The following INPP5J variants were observed in gnomAD, a reference collection of about 807,000 sequenced individuals.
INPP5J encodes the protein phosphatidylinositol 4,5-bisphosphate 5-phosphatase A.
Under a neutral mutation model 86.6 loss-of-function variants are expected in INPP5J, and 75 were observed. That is an observed-to-expected ratio of 0.87 (90% CI 0.72 to 1.05). The LOEUF (loss-of-function observed/expected upper bound fraction) is 1.05, where lower values mean the gene tolerates loss of function less well. Ranked by LOEUF, INPP5J falls within the 50% of genes least tolerant of loss-of-function variation. The pLI is 0.00. For synonymous variants in INPP5J, 540 were observed against 550.0 expected (o/e 0.98, Z 0.25); for missense variants, 1,229 against 1,341.2 (o/e 0.92, Z 1.31).
At position 31,122,990 on chromosome 22, in the gene INPP5J, G is replaced by A. The variant is rs766594116; in HGVS notation, c.-25G>A. On this transcript the variant is annotated 5_prime_UTR_variant, in exon 1 of 13. Coordinates refer to ENST00000331075, the MANE Select transcript of INPP5J (RefSeq NM_001284285.2). ...TAGAGCTGGAGCCGGAGCCAAGGGA[G>A]TCCAGGCTGCCGGGGGCTGCAGACA... The A allele has an allele frequency of 9.3e-6, 13 of 1,397,390 alleles. No homozygotes were observed. The highest frequency in any genetic ancestry group is 1.2e-5 in the Non-Finnish European group (13 of 1,067,188). The allele number at this position is 1,397,390 out of a possible 1,614,324, so 86.6% of individuals were successfully genotyped here.
At chr22:31,132,436 T>A (rs1162325147) in intron 9 of INPP5J, among the ~76,000 whole-genome samples, 2 of 151,852 alleles carry the variant, frequency 1.3e-5, no homozygotes, top group Non-Finnish European at 2.9e-5. Context: ...ACTCCAAGAG[T>A]AAAATAAGAG....
In INPP5J at chr22:31,125,624, T is replaced by G; in HGVS notation, c.885T>G (p.Pro295=). 6.4e-7 allele frequency: 1 copy of G among 1,550,394 alleles called. No individual in the cohort carries two copies. Among genetic ancestry groups the G allele is most frequent in the Non-Finnish European group, 8.7e-7 (1 of 1,146,938 alleles). Residue 295 remains proline (P), a synonymous_variant, in exon 2 of 13, where the codon CCT becomes CCG. Coordinates refer to ENST00000331075, the MANE Select transcript of INPP5J (RefSeq NM_001284285.2). ...CCCTCCACAGCAGCCCTGAGGATCC[T>G]GTTTTGCCACGGCCACCCCAGACCT... is the stretch of plus-strand genomic sequence containing the variant. ...PEALHSSPED[P]VLPRPPQTLP...
At chr22:31,123,610 G>A (rs186579317) in intron 1 of INPP5J, among the ~76,000 whole-genome samples, 1 of 152,246 alleles carries the variant, frequency 6.6e-6, no homozygotes, top group Admixed American at 6.5e-5. Flanking sequence ...GGTGGAGATG[G>A]AGTTTTAGGT....
Position 31,125,022 on chromosome 22 carries a change from C to A in INPP5J, c.283C>A (p.Gln95Lys). Residue 95 changes from glutamine (Q) to lysine (K), a missense_variant, in exon 2 of 13, where the codon CAG becomes AAG. Transcript: ENST00000331075. ...GGCTCCACTGTGTACCCCTGAAGGG[C>A]AGAAAACAGCTACTGCCCACCGCAG... ...ILAPLCTPEG[Q>K]KTATAHRSSS... 6.4e-7 allele frequency: 1 copy of A among 1,558,486 alleles called. No homozygotes were observed. Among genetic ancestry groups the A allele is most frequent in the Non-Finnish European group, 8.7e-7 (1 of 1,151,288 alleles).
In INPP5J at chr22:31,134,208, G is replaced by A; in HGVS notation, c.2810G>A (p.Ser937Asn). The A allele has an allele frequency of 6.5e-7, 1 of 1,550,246 alleles. No homozygotes were observed. The highest frequency in any genetic ancestry group is 2.4e-5 in the East Asian group (1 of 40,914). ...AGTAATGGCAGCAGCCGGGGCAGTA[G>A]TGAAGAGGGGCCCTCTGGGTTGCCT... ...RSSNGSSRGS[S>N]EEGPSGLPGP... The change falls in exon 13 of 13, where the codon AGT becomes AAT. Residue 937 changes from serine (S) to asparagine (N), a missense_variant. Coordinates refer to ENST00000331075, the MANE Select transcript of INPP5J (RefSeq NM_001284285.2).
upstream of INPP5J, chr22:31,122,788 T>C (rs907591281): frequency 8.9e-5 from 40 of 451,016 alleles, no homozygotes; most frequent in Middle Eastern, 5.5e-4. Flanking sequence ...GCCAGGCAGA[T>C]GGGTACACTC....
rs1921285293 is a variant in INPP5J at position 31,125,463 on chromosome 22, G to A, written c.724G>A (p.Ala242Thr). The A allele has an allele frequency of 6.4e-7, 1 of 1,550,518 alleles. No homozygotes were observed. The highest frequency in any genetic ancestry group is 1.4e-5 in the African/African-American group (1 of 73,020). Residue 242 changes from alanine to threonine, a missense_variant, in exon 2 of 13, where the codon GCC becomes ACC. Physicochemically the swap from Ala to Thr is moderately conservative, Grantham distance 58. Transcript: ENST00000331075. ...ATCAGCTAGAAAGAGGGATGCCCCA[G>A]CCCCTAGACCTCTCCCTGCTTCTGA... ...QTSARKRDAPAPRPLPASEGH... is the reference protein window; with the variant it reads ...QTSARKRDAPTPRPLPASEGH...
intron 5 of INPP5J, 133 bp downstream of exon 5, chr22:31,127,170 C>A: frequency 1.3e-6 from 1 of 785,900 alleles, no homozygotes; most frequent in East Asian, 2.7e-5. Flanking sequence ...CCCCATGCAC[C>A]ACCCAATACC....
chr22:31,131,136 C>T (rs1298166026), intron 9 of INPP5J, among the ~76,000 whole-genome samples: 1 of 152,208 alleles, frequency 6.6e-6, no homozygotes, highest in African/African-American at 2.4e-5. Context: ...TATCCCCACG[C>T]TTGGCCTGCC....
Position 31,127,988 on chromosome 22 carries a change from G to T in INPP5J, c.1825G>T (p.Glu609Ter). The T allele has an allele frequency of 6.2e-7, 1 of 1,609,542 alleles. No individual in the cohort carries two copies. The highest frequency in any genetic ancestry group is 8.5e-7 in the Non-Finnish European group (1 of 1,179,368). Residue 609 changes from glutamate (E) to a stop codon, truncating the protein, a stop_gained, in exon 7 of 13, where the codon GAG becomes TAG. Transcript: ENST00000331075. LOFTEE classifies it high-confidence loss of function. Reference sequence around the variant, plus strand: ...GTTCGGGGACCTGAACTTCCGCATTGAGAGCTATGACCTGCACTTTGTCAA... The same window carrying T: ...GTTCGGGGACCTGAACTTCCGCATTTAGAGCTATGACCTGCACTTTGTCAA... ...FWFGDLNFRI[E>*]SYDLHFVKFA...
upstream of INPP5J, chr22:31,122,795 A>G: frequency 2.2e-6 from 1 of 457,210 alleles, no homozygotes; most frequent in Non-Finnish European, 3.8e-6. Flanking sequence ...AGATGGGTAC[A>G]CTCTCCCCTC....
Position 31,126,984 on chromosome 22 carries a change from T to C in INPP5J, c.1558T>C (p.Phe520Leu), listed in dbSNP as rs1921534980. Reference protein sequence around the residue: ...LLFAKYYHLPFLRDVQTDCTR... With the variant: ...LLFAKYYHLPLLRDVQTDCTR... ...GTTCGCCAAGTACTACCACCTGCCC[T>C]TCCTGCGAGACGTGCAGACCGACTG... Residue 520 changes from phenylalanine (F) to leucine (L), a missense_variant, in exon 5 of 13, where the codon TTC becomes CTC. Transcript: ENST00000331075. 1.2e-6 allele frequency: 2 copies of C among 1,610,274 alleles called. No individual in the cohort carries two copies. Among genetic ancestry groups the C allele is most frequent in the Non-Finnish European group, 1.7e-6 (2 of 1,178,376 alleles).
chr22:31,129,260 G>A (rs1269295366), intron 9 of INPP5J, among the ~76,000 whole-genome samples: 4 of 65,904 alleles, frequency 6.1e-5, no homozygotes, highest in Non-Finnish European at 9.2e-5. Flanking sequence ...TTTTCTTTGA[G>A]ACGGAGTCTT....
chr22:31,125,579 C>T lies in INPP5J; in HGVS notation c.840C>T (p.Ser280=), dbSNP rs1921301135. 6.4e-7 allele frequency: 1 copy of T among 1,550,558 alleles called. No individual in the cohort carries two copies. The highest frequency in any genetic ancestry group is 8.7e-7 in the Non-Finnish European group (1 of 1,146,994). The change falls in exon 2 of 13, where the codon TCC becomes TCT. Residue 280 remains serine (S), a synonymous_variant. Transcript: ENST00000331075. Reference sequence around the variant, plus strand: ...CCCCAGACCCTCGGCTCTCCCCCTCCTTCCGAGCCCGGCCTGAGGCCCTCC... The same window carrying T: ...CCCCAGACCCTCGGCTCTCCCCCTCTTTCCGAGCCCGGCCTGAGGCCCTCC... ...QTSPDPRLSP[S]FRARPEALHS...
upstream of INPP5J, chr22:31,122,729 A>G (rs185571685): frequency 1.4e-4 from 56 of 389,214 alleles, no homozygotes; most frequent in Non-Finnish European, 2.4e-4. Context: ...TACGGCAGAA[A>G]GGTGAAGGTA....
Position 31,126,683 on chromosome 22 carries a change from C to T in INPP5J, c.1456C>T (p.Leu486=). ...CCTCTTCACGGACCAGTGGAGTGAGCTGTTCATGGATGCGCTAGGGCCCTT... is the reference window on the plus strand; with the variant it reads ...CCTCTTCACGGACCAGTGGAGTGAGTTGTTCATGGATGCGCTAGGGCCCTT... ...DALFTDQWSE[L]FMDALGPFNF... Residue 486 remains leucine, a synonymous_variant, in exon 4 of 13, where the codon CTG becomes TTG. Transcript: ENST00000331075. 2 of 1,613,946 alleles carry T rather than the reference C, an allele frequency of 1.2e-6. No homozygotes were observed. The highest frequency in any genetic ancestry group is 1.7e-5 in the Admixed American group (1 of 60,022).
At position 31,134,348 on chromosome 22, in the gene INPP5J, C is replaced by T. The variant is rs1259902999; in HGVS notation, c.2950C>T (p.Leu984=). The change falls in exon 13 of 13, where the codon CTG becomes TTG. Residue 984 remains leucine, a synonymous_variant. Transcript: ENST00000331075. ...CTCCTGGGGACCTGATCGGGAGGCC[C>T]TGGCGCCCAACAGCCTGTCTCCTAG... ...GGSWGPDREA[L]APNSLSPSPQ... is the part of the protein sequence containing the mutation. The T allele has an allele frequency of 6.5e-7, 1 of 1,537,204 alleles. No homozygotes were observed. Among genetic ancestry groups the T allele is most frequent in the East Asian group, 2.4e-5 (1 of 41,080 alleles).
intron 9 of INPP5J, among the ~76,000 whole-genome samples, chr22:31,129,929 C>T (rs1921915212): frequency 6.6e-6 from 1 of 152,160 alleles, no homozygotes; most frequent in Non-Finnish European, 1.5e-5. Context: ...CATTTATAGG[C>T]TGGCGCAGTG....
chr22:31,122,981 G>A lies in INPP5J; in HGVS notation c.-34G>A. 7.4e-7 allele frequency: 1 copy of A among 1,358,624 alleles called. No homozygotes were observed. The highest frequency in any genetic ancestry group is 9.6e-7 in the Non-Finnish European group (1 of 1,036,350). 84.2% of individuals were successfully genotyped at this position (1,358,624 alleles called of 1,614,324 possible). On this transcript the variant is annotated 5_prime_UTR_variant, in exon 1 of 13. Transcript: ENST00000331075. ...CGGGAGCGGTAGAGCTGGAGCCGGA[G>A]CCAAGGGAGTCCAGGCTGCCGGGGG...
Sources: allele counts gnomAD v4.1 joint callset (sites outside exome capture counted in the v4.1 genomes callset), GRCh38; gene constraint gnomAD v4.1.1; transcripts MANE v1.5; gene names NCBI Gene and HGNC (gene_info 2026-07-23, HGNC 2026-07-21).